The following SEL1L3 variants were observed in gnomAD, a reference collection of about 807,000 sequenced individuals.
SEL1L3 encodes the protein protein sel-1 homolog 3.
SEL1L3 carries 76 observed loss-of-function variants against 142.8 expected under a neutral mutation model. That is an observed-to-expected ratio of 0.53 (90% CI 0.44 to 0.64). The LOEUF (loss-of-function observed/expected upper bound fraction) is 0.64. Ranked by LOEUF, SEL1L3 falls within the 30% of genes least tolerant of loss-of-function variation. SEL1L3 has a pLI of 0.00. For missense variants in SEL1L3, 1,262 were observed against 1,381.7 expected (o/e 0.91, Z 1.37); for synonymous variants, 504 against 519.6 (o/e 0.97, Z 0.41).
At chr4:25,785,266 G>C (rs1363146108) in intron 13 of SEL1L3, among the ~76,000 whole-genome samples, 1 of 152,204 alleles carries the variant, frequency 6.6e-6, no homozygotes, top group Admixed American at 6.5e-5. Flanking sequence ...GTTCCTGTGT[G>C]AATTAACGTT....
rs561666504 is a variant in SEL1L3, at chr4:25,767,928, GT to G, written c.2670-99del. On this transcript the variant is annotated intron_variant, in intron 17 of 23. Coordinates refer to ENST00000399878, the MANE Select transcript of SEL1L3 (RefSeq NM_015187.5). ...AACATAAGAGGGCACAAAATAAGCAGTTTTTTTAAAAAAACCACAAAATCGT... is the reference window on the plus strand; with the variant it reads ...AACATAAGAGGGCACAAAATAAGCAGTTTTTTAAAAAAACCACAAAATCGT... 2.3e-5 allele frequency: 17 copies of G among 741,216 alleles called. 1 individual carries two copies. The Admixed American group carries it at 2.8e-4, about 12-fold the overall frequency. 45.9% of individuals were successfully genotyped at this position (741,216 alleles called of 1,614,324 possible).
intron 5 of SEL1L3, among the ~76,000 whole-genome samples, chr4:25,831,504 A>T (rs1201154984): frequency 1.7e-4 from 16 of 94,364 alleles, no homozygotes; most frequent in African/African-American, 6.3e-4. Flanking sequence ...TAATAATAAT[A>T]ATAATAATTA....
chr4:25,737,890 C>CTTTTT, the SEL1L3 span, among the ~76,000 whole-genome samples: 2 of 150,952 alleles, frequency 1.3e-5, no homozygotes, highest in Non-Finnish European at 3.0e-5. Context: ...ATACAGTTGC[C>CTTTTT]TTTTTTTTTG....
intron 1 of SEL1L3, among the ~76,000 whole-genome samples, chr4:25,855,077 A>T: frequency 6.6e-6 from 1 of 152,258 alleles, no homozygotes; most frequent in East Asian, 1.9e-4. Flanking sequence ...GGTGGCTTGT[A>T]GCAGACCTGT....
At chr4:25,852,988 G>C (rs971698503) in intron 1 of SEL1L3, among the ~76,000 whole-genome samples, 2 of 152,194 alleles carry the variant, frequency 1.3e-5, no homozygotes, top group African/African-American at 4.8e-5. Context: ...TGCTAAAAAT[G>C]CAACAGTCCA....
At chr4:25,804,477 G>A (rs181727662) in intron 10 of SEL1L3, 64 bp downstream of exon 10, 14 of 1,229,028 alleles carry the variant, frequency 1.1e-5, no homozygotes, top group Admixed American at 3.9e-5. Context: ...CCAGGGGCAC[G>A]AGAGCATTGC....
At chr4:25,831,681 C>T (rs1215422849) in intron 5 of SEL1L3, among the ~76,000 whole-genome samples, 1 of 151,742 alleles carries the variant, frequency 6.6e-6, no homozygotes, top group Non-Finnish European at 1.5e-5. Context: ...ACGTACACCA[C>T]GCCCAGTTAA....
intron 9 of SEL1L3, among the ~76,000 whole-genome samples, chr4:25,811,097 G>C (rs942077220): frequency 2.0e-5 from 3 of 152,298 alleles, no homozygotes; most frequent in Admixed American, 6.5e-5. Context: ...GGTCGCCCCA[G>C]GGCCTGGCAC....
chr4:25,802,376 G>T lies in SEL1L3; in HGVS notation c.1863C>A (p.Asp621Glu). Residue 621 changes from aspartate (D) to glutamate (E), a missense_variant, in exon 11 of 24, where the codon GAC (aspartate) becomes GAA (glutamate). Asp to Glu is a conservative substitution (Grantham distance 45). This residue lies in a region of SEL1L3 where 435 missense variants were observed against 559.2 expected (regional missense o/e 0.78). Transcript: ENST00000399878. ...NLGYKHYQGI[D>E]NYPLDWELSY... ...ACAGTTCCCAGTCCAGGGGGTAGTT[G>T]TCAATACCCTGGTAGTGTTTATACC... The T allele has an allele frequency of 6.2e-7, 1 of 1,613,470 alleles. No individual in the cohort carries two copies. Among genetic ancestry groups the T allele is most frequent in the Non-Finnish European group, 8.5e-7 (1 of 1,179,444 alleles).
the SEL1L3 span, among the ~76,000 whole-genome samples, chr4:25,724,928 C>G: frequency 6.6e-6 from 1 of 152,082 alleles, no homozygotes; most frequent in South Asian, 2.1e-4. Flanking sequence ...TCCTGTAAGC[C>G]CTTCCCCACC....
At chr4:25,756,781 G>T (rs1002598297) in intron 23 of SEL1L3, 1 of 1,181,894 alleles carries the variant, frequency 8.5e-7, no homozygotes, top group Non-Finnish European at 1.1e-6. Flanking sequence ...GTGTGGCCGA[G>T]GATTTTTATT....
At chr4:25,790,307 C>T (rs1053721264) in intron 12 of SEL1L3, 148 bp downstream of exon 12, 1 of 765,670 alleles carries the variant, frequency 1.3e-6, no homozygotes, top group African/African-American at 1.8e-5. Flanking sequence ...ATGGCCTGCC[C>T]CTGACAACCC....
intron 23 of SEL1L3, among the ~76,000 whole-genome samples, chr4:25,754,284 A>G (rs1717802575): frequency 6.6e-6 from 1 of 151,616 alleles, no homozygotes; most frequent in African/African-American, 2.4e-5. Context: ...CCTGGGCAAC[A>G]AGAGCGAAAG....
In SEL1L3 at chr4:25,825,665, T is replaced by C. The variant is rs3947965; in HGVS notation, c.1158-3537A>G. Among the ~76,000 whole-genome samples the C allele has an allele frequency of 7.0e-4, 84 of 120,792 alleles. 1 individual carries two copies. The East Asian group carries it at 0.018, about 27-fold the overall frequency. The allele number at this position is 120,792 out of a possible 152,430, so 79.2% of individuals were successfully genotyped here. On this transcript the variant is annotated intron_variant, in intron 6 of 23. Transcript: ENST00000399878. ...CTTCTTCAGGGCCTGGTCTAAATTC[T>C]ATTTTTTTTTTTTTTTTTTTTTTTT...
chr4:25,765,924 C>G (rs773836270), intron 19 of SEL1L3, among the ~76,000 whole-genome samples: 2 of 152,136 alleles, frequency 1.3e-5, no homozygotes, highest in Non-Finnish European at 2.9e-5. Flanking sequence ...CAGGTGTGAG[C>G]CACCGTGCCT....
rs144093393 is a variant in SEL1L3 at position 25,806,405 on chromosome 4, T to C, written c.1565-1653A>G. Reference sequence around the variant, plus strand: ...CACTCTTATCAGCCCTTCATCAGGATTGAACACAGAAGAGTATCCAATGTG... The same window carrying C: ...CACTCTTATCAGCCCTTCATCAGGACTGAACACAGAAGAGTATCCAATGTG... On this transcript the variant is annotated intron_variant, in intron 9 of 23. Coordinates refer to ENST00000399878, the MANE Select transcript of SEL1L3 (RefSeq NM_015187.5). Among the ~76,000 whole-genome samples the C allele has an allele frequency of 1.4e-3, 208 of 152,072 alleles. 1 individual carries two copies. Among genetic ancestry groups the C allele is most frequent in the Middle Eastern group, 3.4e-3 (1 of 294 alleles).
chr4:25,848,920 C>G (rs1298605004), intron 1 of SEL1L3, among the ~76,000 whole-genome samples: 1 of 152,204 alleles, frequency 6.6e-6, no homozygotes, highest in African/African-American at 2.4e-5. Flanking sequence ...GGGTGGATCA[C>G]TTGAGGTCAG....
chr4:25,789,133 A>G (rs10016308), intron 12 of SEL1L3, among the ~76,000 whole-genome samples: 30,804 of 152,122 alleles, frequency 0.2, 3,233 homozygotes, highest in Middle Eastern at 0.27. Flanking sequence ...GTGTGTTAAC[A>G]TTCTAGTTCC....
chr4:25,829,121 C>A (rs568677899), intron 6 of SEL1L3, among the ~76,000 whole-genome samples: 59 of 152,264 alleles, frequency 3.9e-4, no homozygotes, highest in African/African-American at 1.4e-3. Flanking sequence ...TACAGGCATG[C>A]GCCACCACGC....
Sources: allele counts gnomAD v4.1 joint callset (sites outside exome capture counted in the v4.1 genomes callset), GRCh38; gene constraint gnomAD v4.1.1; regional missense constraint gnomAD v4.1.1; transcripts MANE v1.5; gene names NCBI Gene and HGNC (gene_info 2026-07-23, HGNC 2026-07-21).